CPT1C: variants seen among roughly 807,000 people sequenced by gnomAD.
The protein encoded by CPT1C is carnitine palmitoyltransferase 1C.
A neutral mutation model predicts 97.3 loss-of-function variants in CPT1C; 61 were observed. The ratio of observed to expected loss-of-function variants is 0.63; its 90% CI spans 0.51 to 0.78. The LOEUF is 0.78. CPT1C is among the 30% of genes least tolerant of loss of function. The pLI is 0.00. For missense variants in CPT1C, 975 were observed against 1,065.5 expected (o/e 0.92, Z 1.18); for synonymous variants, 469 against 447.2 (o/e 1.05, Z -0.61).
rs1343423987 is a variant in CPT1C, at chr19:49,704,744, GC to G, written c.729del (p.Ser244ProfsTer5). Reference sequence around the variant, plus strand: ...TGGTGGGAGGAATTTGTGTACCTGCGCTCCCGAAATCCGCTGATGGTGAACA... The same window carrying G: ...TGGTGGGAGGAATTTGTGTACCTGCGTCCCGAAATCCGCTGATGGTGAACA... The part of the protein sequence containing the change: ...SDWWEEFVYL[R>X]SRNPLMVNSN... On this transcript the variant is annotated frameshift_variant, in exon 8 of 20. Coordinates refer to ENST00000598293, the MANE Select transcript of CPT1C (RefSeq NM_001199753.2). LOFTEE classifies it high-confidence loss of function. 6.2e-7 allele frequency: 1 copy of G among 1,613,824 alleles called. No individual in the cohort carries two copies. The highest frequency in any genetic ancestry group is 8.5e-7 in the Non-Finnish European group (1 of 1,180,002).
chr19:49,705,321 C>A, intron 10 of CPT1C, 23 bp downstream of exon 10: 1 of 1,552,338 alleles, frequency 6.4e-7, no homozygotes. Flanking sequence ...CCTGTCCCCA[C>A]TGATGGAGGC....
Position 49,710,502 on chromosome 19 carries a change from T to C in CPT1C, c.1731+18T>C. On this transcript the variant is annotated intron_variant, in intron 15 of 19. Coordinates refer to ENST00000598293, the MANE Select transcript of CPT1C (RefSeq NM_001199753.2). Reference sequence around the variant, plus strand: ...ACTTCCGGGTCAGTTGGGTTCCCCATCCACAGCCCCCGCAGGGTCTCAGTC... The same window carrying C: ...ACTTCCGGGTCAGTTGGGTTCCCCACCCACAGCCCCCGCAGGGTCTCAGTC... The C allele has an allele frequency of 6.2e-7, 1 of 1,614,068 alleles. No individual in the cohort carries two copies. The highest frequency in any genetic ancestry group is 1.1e-5 in the South Asian group (1 of 91,080).
chr19:49,692,165 G>A, intron 2 of CPT1C, 74 bp from the exon 3 acceptor site: 2 of 1,525,198 alleles, frequency 1.3e-6, no homozygotes, highest in Non-Finnish European at 1.8e-6. Context: ...GGAGGAGGAG[G>A]GGCTGGGGGC....
Position 49,711,797 on chromosome 19 carries a change from T to C in CPT1C, c.1867-12T>C. The C allele has an allele frequency of 2.5e-6, 4 of 1,604,318 alleles. No individual in the cohort carries two copies. Among genetic ancestry groups the C allele is most frequent in the Non-Finnish European group, 3.4e-6 (4 of 1,175,330 alleles). On this transcript the variant is annotated splice_polypyrimidine_tract_variant and intron_variant, in intron 16 of 19. Coordinates refer to ENST00000598293, the MANE Select transcript of CPT1C (RefSeq NM_001199753.2). Reference sequence around the variant, plus strand: ...GTCTTTCCATGACCTGTGACCTCCCTGGGGACTGCAGGACCCACAGTGCCT... The same window carrying C: ...GTCTTTCCATGACCTGTGACCTCCCCGGGGACTGCAGGACCCACAGTGCCT...
intron 17 of CPT1C, 182 bp from the exon 18 acceptor site, chr19:49,712,554 G>A (rs2083965730): frequency 1.7e-6 from 1 of 596,756 alleles, no homozygotes; most frequent in Non-Finnish European, 3.0e-6. Flanking sequence ...ACGTGGGTGT[G>A]GGTGGTGAGA....
In CPT1C at chr19:49,706,430, A is replaced by AT; in HGVS notation, c.1343+18dup. On this transcript the variant is annotated intron_variant, in intron 12 of 19. Coordinates refer to ENST00000598293, the MANE Select transcript of CPT1C (RefSeq NM_001199753.2). The surrounding 1 kb of genome is among the most constrained non-coding windows in gnomAD (Gnocchi z 4.8). ...CCATGATCGGTGAGTGAGTCTTGGG[A>AT]TGGGGCCCCCAGATGTGGCACCCGA... 6.9e-7 allele frequency: 1 copy of AT among 1,453,376 alleles called. No homozygotes were observed. The highest frequency in any genetic ancestry group is 9.0e-7 in the Non-Finnish European group (1 of 1,111,498). 90.0% of individuals were successfully genotyped at this position (1,453,376 alleles called of 1,614,324 possible). A position where few individuals can be genotyped will look rare whatever the true frequency, so the allele number is the denominator to read the frequency against.
In CPT1C at chr19:49,704,902, AT is replaced by A. The variant is rs143218916; in HGVS notation, c.772-104del. ...GATCTAGACGCGCCATCTGGGATTC[AT>A]CATTCCACCCTCTTTTGGGGTCAGG... On this transcript the variant is annotated intron_variant, in intron 8 of 19. Coordinates refer to ENST00000598293, the MANE Select transcript of CPT1C (RefSeq NM_001199753.2). The A allele has an allele frequency of 0.017, 23,551 of 1,402,180 alleles. 1,611 individuals are homozygous for A. The East Asian group carries it at 0.17, about 10-fold the overall frequency. The allele number at this position is 1,402,180 out of a possible 1,614,324, so 86.9% of individuals were successfully genotyped here.
At chr19:49,707,054 C>T (rs2083540341) in intron 12 of CPT1C, among the ~76,000 whole-genome samples, 1 of 152,132 alleles carries the variant, frequency 6.6e-6, no homozygotes, top group Admixed American at 6.6e-5. Flanking sequence ...AGGGGCGGAT[C>T]ACCTGAGATC....
chr19:49,705,589 G>A (rs2083454328), intron 10 of CPT1C, among the ~76,000 whole-genome samples: 2 of 152,062 alleles, frequency 1.3e-5, no homozygotes, highest in South Asian at 4.1e-4. Flanking sequence ...GTGAGATCCG[G>A]TCTATATACA....
Position 49,697,266 on chromosome 19 carries a change from C to G in CPT1C, c.142-60C>G. The G allele has an allele frequency of 2.5e-6, 4 of 1,608,438 alleles. No homozygotes were observed. The Admixed American group carries it at 6.7e-5, about 27-fold the overall frequency. On this transcript the variant is annotated intron_variant, in intron 3 of 19. Coordinates refer to ENST00000598293, the MANE Select transcript of CPT1C (RefSeq NM_001199753.2). Reference sequence around the variant, plus strand: ...TGCTCAGTAATGTCTGGGGATGGCACAGAACAGGGGCTCAGAGGAGAGGGC... The same window carrying G: ...TGCTCAGTAATGTCTGGGGATGGCAGAGAACAGGGGCTCAGAGGAGAGGGC...
intron 17 of CPT1C, 100 bp from the exon 18 acceptor site, chr19:49,712,636 T>G (rs745493919): frequency 2.7e-5 from 23 of 855,802 alleles, no homozygotes; most frequent in African/African-American, 2.2e-4. Flanking sequence ...GGCCCGGATT[T>G]ACGGGTAAAA....
rs188391718 is a variant in CPT1C at position 49,695,101 on chromosome 19, A to G, written c.142-2225A>G. Among the ~76,000 whole-genome samples, 3 of 152,076 alleles carry G rather than the reference A, an allele frequency of 2.0e-5. No individual in the cohort carries two copies. In the East Asian group the frequency reaches 5.9e-4, roughly 30 times the overall value. ...GCTTGCAGTGAGCCGAGATCGTGCCACTGCACTCCAGCCTGGGCAACAAAG... is the reference window on the plus strand; with the variant it reads ...GCTTGCAGTGAGCCGAGATCGTGCCGCTGCACTCCAGCCTGGGCAACAAAG... On this transcript the variant is annotated intron_variant, in intron 3 of 19. Transcript: ENST00000598293.
intron 3 of CPT1C, chr19:49,696,456 CTTTTT>C (rs66983115): frequency 8.1e-5 from 9 of 111,640 alleles, no homozygotes; most frequent in South Asian, 3.2e-4. Flanking sequence ...CTTTTCTTTT[CTTTTT>C]TTTTTTTTTT....
intron 3 of CPT1C, among the ~76,000 whole-genome samples, chr19:49,695,149 A>G (rs1284481244): frequency 6.6e-6 from 1 of 152,166 alleles, no homozygotes; most frequent in Non-Finnish European, 1.5e-5. Flanking sequence ...TCAAAAAAAA[A>G]CAAACATGTG....
rs770460926 is a variant in CPT1C at position 49,700,669 on chromosome 19, T to C, written c.282-15T>C. On this transcript the variant is annotated splice_polypyrimidine_tract_variant and intron_variant, in intron 4 of 19. Coordinates refer to ENST00000598293, the MANE Select transcript of CPT1C (RefSeq NM_001199753.2). ...CCAGGAGACCCAGGCCCAGCCTCTG[T>C]TTCTCTCCCCGCAGGGGTGGACAAC... 6.2e-7 allele frequency: 1 copy of C among 1,604,396 alleles called. No individual in the cohort carries two copies. The highest frequency in any genetic ancestry group is 1.7e-5 in the Admixed American group (1 of 60,010).
In CPT1C at chr19:49,710,284, A is replaced by C. The variant is rs996573070; in HGVS notation, c.1567-36A>C. 3.1e-6 allele frequency: 5 copies of C among 1,605,144 alleles called. No individual in the cohort carries two copies. In the African/African-American group the frequency reaches 6.7e-5, roughly 21 times the overall value. ...TGGCTTTCACCCTACCCCCATCTGT[A>C]ACCCCAACTACTCCTCTTCCCTCCT... On this transcript the variant is annotated intron_variant, in intron 14 of 19. Coordinates refer to ENST00000598293, the MANE Select transcript of CPT1C (RefSeq NM_001199753.2).
chr19:49,701,248 TCGACCCCTG>T (rs2083032861), intron 5 of CPT1C, 60 bp from the exon 6 acceptor site: 2 of 1,346,170 alleles, frequency 1.5e-6, no homozygotes, highest in Admixed American at 4.0e-5. Context: ...TGTCCCACTG[TCGACCCCTG>T]CCCCGTCAAC....
chr19:49,696,456 CTT>C (rs66983115), intron 3 of CPT1C: 20,079 of 111,306 alleles, frequency 0.18, 1,354 homozygotes, highest in Admixed American at 0.22. Context: ...CTTTTCTTTT[CTT>C]TTTTTTTTTT....
chr19:49,692,370 A>C lies in CPT1C; in HGVS notation c.118A>C (p.Lys40Gln). 1 of 1,614,006 alleles carries C rather than the reference A, an allele frequency of 6.2e-7. No individual in the cohort carries two copies. Among genetic ancestry groups the C allele is most frequent in the Non-Finnish European group, 8.5e-7 (1 of 1,179,964 alleles). ...CTACCTCTCTGGCCTGCGCTCCTGG[A>C]AAAGGCATCTCTCACGTTTCTGGGT... ...EIYLSGLRSW[K>Q]RHLSRFWNDF... Residue 40 changes from lysine (K) to glutamine (Q), a missense_variant, in exon 3 of 20, where the codon AAA becomes CAA. Around this residue, in one of 3 missense-constraint regions of CPT1C, gnomAD observed 596 missense variants for 603.1 expected, o/e 0.99. Transcript: ENST00000598293.
Sources: gnomAD v4.1 joint callset for allele counts (sites outside exome capture counted in the v4.1 genomes callset) on GRCh38, gnomAD v4.1.1 for gene constraint, gnomAD v4.1.1 regional missense constraint, Gnocchi (gnomAD v3.1) non-coding constraint, MANE v1.5 for transcripts, NCBI Gene and HGNC (gene_info 2026-07-23, HGNC 2026-07-21) for gene names.